Variants in SUFU observed in about 807,000 individuals in gnomAD.
The protein encoded by SUFU is SUFU negative regulator of hedgehog signaling, also known as suppressor of fused homolog.
A neutral mutation model predicts 58.9 loss-of-function variants in SUFU; 7 were observed. That is an observed-to-expected ratio of 0.12 (90% CI 0.07 to 0.22). SUFU has a LOEUF of 0.22. Among genes scored for constraint, SUFU ranks in the 10% least tolerant of loss-of-function variants. SUFU has a pLI of 1.00. For synonymous variants in SUFU, 232 were observed against 254.8 expected, an observed-to-expected ratio of 0.91 and a Z score of 0.85; for missense variants, 451 against 641.3, an observed-to-expected ratio of 0.70 and a Z score of 3.20.
At chr10:102,532,804 T>G (rs530622275) in intron 2 of SUFU, among the ~76,000 whole-genome samples, 11 of 152,186 alleles carry the variant, frequency 7.2e-5, no homozygotes, top group Non-Finnish European at 1.6e-4. Flanking sequence ...AGGACCTGTT[T>G]CACGGTGGCC....
intron 2 of SUFU, among the ~76,000 whole-genome samples, chr10:102,542,138 C>CA (rs2062808800): frequency 2.4e-5 from 3 of 124,830 alleles, no homozygotes; most frequent in African/African-American, 8.5e-5. Flanking sequence ...CCCACCTTGG[C>CA]GTTTTTTTTT....
rs114027289 is a variant in SUFU at position 102,626,268 on chromosome 10, G to A, written c.1297-907G>A. ...GCCTGGCTCTGCCTAGCAGCCTGAC[G>A]AGAGGGGTGGGTGGGGAAGAATGGC... On this transcript the variant is annotated intron_variant, in intron 10 of 11. Coordinates refer to ENST00000369902, the MANE Select transcript of SUFU (RefSeq NM_016169.4). Among the ~76,000 whole-genome samples the A allele has an allele frequency of 3.5e-3, 534 of 152,292 alleles. 1 individual carries two copies. Among genetic ancestry groups the A allele is most frequent in the African/African-American group, 0.012 (501 of 41,546 alleles).
At chr10:102,587,261 T>G (rs1411713401) in intron 3 of SUFU, among the ~76,000 whole-genome samples, 1 of 152,054 alleles carries the variant, frequency 6.6e-6, no homozygotes, top group Non-Finnish European at 1.5e-5. Context: ...TGTGTTTAAA[T>G]TTTTTTTGCA....
upstream of SUFU, chr10:102,503,918 T>C (rs3818470): frequency 0.34 from 169,538 of 503,268 alleles, 29,341 homozygotes; most frequent in African/African-American, 0.39. Flanking sequence ...TTGGATAGGG[T>C]GCGCCGGCGC....
At chr10:102,588,103 T>C (rs2063353313) in intron 3 of SUFU, among the ~76,000 whole-genome samples, 1 of 152,044 alleles carries the variant, frequency 6.6e-6, no homozygotes, top group South Asian at 2.1e-4. Flanking sequence ...TTGTTGAAAA[T>C]TAATGCCCAC....
At chr10:102,560,935 TC>T (rs1293888314) in intron 3 of SUFU, among the ~76,000 whole-genome samples, 1 of 152,164 alleles carries the variant, frequency 6.6e-6, no homozygotes, top group Non-Finnish European at 1.5e-5. Context: ...CCTCCCAGGT[TC>T]TCCTCCCAGC....
At chr10:102,507,446 C>T (rs1258406256) in intron 1 of SUFU, among the ~76,000 whole-genome samples, 1 of 152,134 alleles carries the variant, frequency 6.6e-6, no homozygotes, top group Non-Finnish European at 1.5e-5. Flanking sequence ...TTCTTTCTTC[C>T]CTTGCCCCAC....
intron 1 of SUFU, among the ~76,000 whole-genome samples, chr10:102,507,000 G>A (rs1037539909): frequency 4.6e-5 from 7 of 152,210 alleles, no homozygotes; most frequent in Admixed American, 1.3e-4. Context: ...GAAGTTGGGT[G>A]TTCAAGGAAT....
chr10:102,508,026 C>T (rs1246105241), intron 1 of SUFU, among the ~76,000 whole-genome samples: 1 of 146,888 alleles, frequency 6.8e-6, no homozygotes, highest in African/African-American at 2.6e-5. Flanking sequence ...AGTGCAGTGG[C>T]GCAATCTTGG....
chr10:102,561,713 G>C (rs2135774615), intron 3 of SUFU, among the ~76,000 whole-genome samples: 1 of 131,952 alleles, frequency 7.6e-6, no homozygotes, highest in Non-Finnish European at 1.5e-5. Flanking sequence ...CTGTTGCTCA[G>C]ACCGGAGTCC....
chr10:102,592,962 G>T (rs1177507229), intron 4 of SUFU, among the ~76,000 whole-genome samples: 3 of 152,220 alleles, frequency 2.0e-5, no homozygotes, highest in Non-Finnish European at 4.4e-5. Flanking sequence ...GTAGCTGAGA[G>T]GGAGTAATGG....
intron 8 of SUFU, among the ~76,000 whole-genome samples, chr10:102,605,552 C>T (rs1168743823): frequency 6.6e-6 from 1 of 152,144 alleles, no homozygotes; most frequent in Non-Finnish European, 1.5e-5. Context: ...TTACTATTCA[C>T]CTTTTGTGGC....
rs533247676 is a variant in SUFU at position 102,628,392 on chromosome 10, A to C, written c.1365+1149A>C. ...GCTTGAGAAATTTGTTCATTTATAT[A>C]TTCCAAAGCCATCAAGCACCCAGTC... On this transcript the variant is annotated intron_variant, in intron 11 of 11. Transcript: ENST00000369902. The surrounding 1 kb of genome is among the most constrained non-coding windows in gnomAD (Gnocchi z 4.5). Among the ~76,000 whole-genome samples, 1 of 152,246 alleles carries C rather than the reference A, an allele frequency of 6.6e-6. No homozygotes were observed. The highest frequency in any genetic ancestry group is 2.4e-5 in the African/African-American group (1 of 41,536).
chr10:102,529,404 A>G (rs1439273973), intron 2 of SUFU, among the ~76,000 whole-genome samples: 4 of 152,332 alleles, frequency 2.6e-5, no homozygotes, highest in Admixed American at 6.5e-5. Flanking sequence ...CCCAGAAGTT[A>G]GGGAAGCTGG....
rs1363847793 is a variant in SUFU at position 102,631,626 on chromosome 10, C to G, written c.*1471C>G. On this transcript the variant is annotated 3_prime_UTR_variant, in exon 12 of 12. Transcript: ENST00000369902. ...TCTGCCTCTGCTGCACACACAGGCA[C>G]CAGCAGGGATGCCACAGGAGTGCCC... 4.3e-6 allele frequency: 1 copy of G among 233,404 alleles called. No homozygotes were observed. The allele number at this position is 233,404 out of a possible 1,614,324, so 14.5% of individuals were successfully genotyped here.
intron 2 of SUFU, among the ~76,000 whole-genome samples, chr10:102,520,408 T>TG (rs1282105678): frequency 6.7e-6 from 1 of 149,502 alleles, no homozygotes; most frequent in Non-Finnish European, 1.5e-5. Flanking sequence ...TTAGTAGAGA[T>TG]GGGGTTCTAC....
intron 2 of SUFU, among the ~76,000 whole-genome samples, chr10:102,522,408 G>A (rs1207128531): frequency 6.6e-6 from 1 of 152,124 alleles, no homozygotes; most frequent in Non-Finnish European, 1.5e-5. Context: ...TTGGTGATCA[G>A]TGTCACCTGG....
chr10:102,527,245 G>A (rs1018053231), intron 2 of SUFU, among the ~76,000 whole-genome samples: 8 of 151,758 alleles, frequency 5.3e-5, no homozygotes, highest in Admixed American at 2.0e-4. Context: ...CTTGTGATCC[G>A]CCCACCTTGG....
At chr10:102,519,529 A>AG (rs2062521366) in intron 2 of SUFU, among the ~76,000 whole-genome samples, 1 of 149,596 alleles carries the variant, frequency 6.7e-6, no homozygotes, top group African/African-American at 2.4e-5. Flanking sequence ...CTCTGTCTCA[A>AG]AAAAAAAAAA....
Sources: gnomAD v4.1 joint callset for allele counts (sites outside exome capture counted in the v4.1 genomes callset) on GRCh38, gnomAD v4.1.1 for gene constraint, Gnocchi (gnomAD v3.1) non-coding constraint, MANE v1.5 for transcripts, NCBI Gene and HGNC (gene_info 2026-07-23, HGNC 2026-07-21) for gene names.